Variants in TCP1 observed in about 807,000 individuals in gnomAD.
TCP1 encodes t-complex 1, also known as T-complex protein 1 subunit alpha.
In TCP1, 6 loss-of-function variants were observed where a neutral mutation model predicts 54.7. That is an observed-to-expected ratio of 0.11 (90% CI 0.06 to 0.22). The LOEUF (loss-of-function observed/expected upper bound fraction) is 0.22. Ranked by LOEUF, TCP1 falls within the 10% of genes least tolerant of loss-of-function variation. TCP1 has a pLI of 1.00. For missense variants in TCP1, 511 were observed against 678.2 expected (o/e 0.75, Z 2.74); for synonymous variants, 225 against 229.7 (o/e 0.98, Z 0.19).
intron 2 of TCP1, 49 bp downstream of exon 2, chr6:159,788,009 A>C (rs1454588943): frequency 6.2e-7 from 1 of 1,606,958 alleles, no homozygotes; most frequent in Admixed American, 1.7e-5. Context: ...CAAAACACTG[A>C]AGATAGTTTT....
At position 159,778,925 on chromosome 6, in the gene TCP1, C is replaced by G; in HGVS notation, c.*120G>C. 4 of 1,568,910 alleles carry G rather than the reference C, an allele frequency of 2.5e-6. No individual in the cohort carries two copies. In the South Asian group the frequency reaches 4.7e-5, roughly 18 times the overall value. On this transcript the variant is annotated 3_prime_UTR_variant, in exon 12 of 12. Transcript: ENST00000321394. ...CAGAGGACCAAAGTACAGATGGAAA[C>G]CATTTCCTACATCACAAAAACCCAA...
chr6:159,784,577 T>C, intron 6 of TCP1, 89 bp downstream of exon 6: 5 of 1,400,436 alleles, frequency 3.6e-6, no homozygotes, highest in Non-Finnish European at 4.9e-6. Context: ...GTGCTGGGAT[T>C]ACAGGCATGA....
intron 9 of TCP1, 68 bp downstream of exon 9, chr6:159,780,375 T>C: frequency 1.2e-6 from 2 of 1,609,448 alleles, no homozygotes; most frequent in Non-Finnish European, 1.7e-6. Context: ...AGCAAATAAA[T>C]GGGAAGAAAA....
chr6:159,783,380 T>TTA (rs9295110), intron 7 of TCP1, among the ~76,000 whole-genome samples: 3 of 7,748 alleles, frequency 3.9e-4, no homozygotes, highest in Non-Finnish European at 1.0e-3. Flanking sequence ...GTTTAAACTA[T>TTA]TTTTTTTTTT....
intron 1 of TCP1, chr6:159,788,436 C>T: frequency 3.0e-6 from 1 of 329,606 alleles, no homozygotes. Flanking sequence ...AAAATAAAAA[C>T]AAAGCCGGAT....
intron 7 of TCP1, among the ~76,000 whole-genome samples, chr6:159,782,660 T>G (rs889530528): frequency 6.6e-6 from 1 of 152,170 alleles, no homozygotes; most frequent in East Asian, 1.9e-4. Flanking sequence ...TTATCACAAG[T>G]TCAGTTTTAG....
intron 4 of TCP1, 66 bp downstream of exon 4, chr6:159,785,834 C>T (rs1323679568): frequency 5.0e-5 from 62 of 1,245,866 alleles, no homozygotes; most frequent in African/African-American, 4.0e-4. Flanking sequence ...TTAATCAAAA[C>T]GTTAAGACAA....
At chr6:159,784,989 C>A (rs1306347718) in intron 5 of TCP1, 142 bp from the exon 6 acceptor site, 3 of 777,288 alleles carry the variant, frequency 3.9e-6, no homozygotes, top group African/African-American at 3.5e-5. Context: ...CAAAATGTTA[C>A]AACATTATCA....
chr6:159,779,336 C>T, intron 11 of TCP1, 75 bp from the exon 12 acceptor site: 6 of 1,336,354 alleles, frequency 4.5e-6, no homozygotes, highest in Non-Finnish European at 5.3e-6. Context: ...GCATTTCATT[C>T]AAGTATTAAG....
At chr6:159,780,592 G>C (rs756435265) in intron 8 of TCP1, 26 bp from the exon 9 acceptor site, 5 of 1,602,590 alleles carry the variant, frequency 3.1e-6, no homozygotes, top group Non-Finnish European at 4.3e-6. Flanking sequence ...CAAAGGATCT[G>C]TGAATATTGC....
chr6:159,788,028 G>A (rs776257250), intron 2 of TCP1, 30 bp downstream of exon 2: 2 of 1,609,926 alleles, frequency 1.2e-6, no homozygotes, highest in South Asian at 1.1e-5. Flanking sequence ...TTACTTTAAG[G>A]AAACTAACAC....
intron 5 of TCP1, chr6:159,785,115 T>C: frequency 1.7e-6 from 1 of 601,066 alleles, no homozygotes; most frequent in Non-Finnish European, 2.9e-6. Flanking sequence ...TTGATATCAA[T>C]TTGCATAAAA....
At position 159,789,490 on chromosome 6, in the gene TCP1, C is replaced by T. The variant is rs1303912294; in HGVS notation, c.-22G>A. On this transcript the variant is annotated 5_prime_UTR_variant, in exon 1 of 12. Coordinates refer to ENST00000321394, the MANE Select transcript of TCP1 (RefSeq NM_030752.3). Reference sequence around the variant, plus strand: ...CCATCTTGACGGCAGCGATACACGTCGAATTCTGCTTACACCGCGGGCAAC... The same window carrying T: ...CCATCTTGACGGCAGCGATACACGTTGAATTCTGCTTACACCGCGGGCAAC... 6.2e-7 allele frequency: 1 copy of T among 1,613,734 alleles called. No individual in the cohort carries two copies. Among genetic ancestry groups the T allele is most frequent in the Admixed American group, 1.7e-5 (1 of 60,030 alleles).
rs1583137320 is a variant in TCP1 at position 159,780,028 on chromosome 6, T to C, written c.1157A>G (p.Asp386Gly). Residue 386 changes from aspartate to glycine, a missense_variant, in exon 10 of 12, where the codon GAT (aspartate) becomes GGT (glycine). By Grantham distance (94) the Asp-to-Gly change is moderately conservative. Around this residue, in one of 5 missense-constraint regions of TCP1, gnomAD observed 305 missense variants for 352.8 expected, o/e 0.86. Coordinates refer to ENST00000321394, the MANE Select transcript of TCP1 (RefSeq NM_030752.3). ...ILRGANDFMC[D>G]EMERSLHDAL... The stretch of plus-strand genomic sequence containing the variant: ...ATCATGTAAAGAGCGCTCCATCTCA[T>C]CACACATGAAATCATTTGCCCCACG... 1.2e-6 allele frequency: 2 copies of C among 1,614,148 alleles called. No individual in the cohort carries two copies. Among genetic ancestry groups the C allele is most frequent in the East Asian group, 4.5e-5 (2 of 44,888 alleles).
At chr6:159,782,964 G>A (rs1050598059) in intron 7 of TCP1, among the ~76,000 whole-genome samples, 2 of 152,230 alleles carry the variant, frequency 1.3e-5, no homozygotes, top group African/African-American at 2.4e-5. Flanking sequence ...TTAACATGCA[G>A]TCCCTCAAAT....
intron 11 of TCP1, 94 bp from the exon 12 acceptor site, chr6:159,779,355 T>TTAAATCAGACTAGAGA (rs879337623): frequency 1.8e-5 from 22 of 1,212,446 alleles, no homozygotes; most frequent in African/African-American, 4.6e-5. Context: ...AGGTTGATTT[T>TTAAATCAGACTAGAGA]TAAATCAGAC....
rs1415833378 is a variant in TCP1 at position 159,789,474 on chromosome 6, C to A, written c.-6G>T. On this transcript the variant is annotated 5_prime_UTR_variant, in exon 1 of 12. Transcript: ENST00000321394. ...ACGGACAAAGGCCCCTCCATCTTGA[C>A]GGCAGCGATACACGTCGAATTCTGC... 1 of 1,613,850 alleles carries A rather than the reference C, an allele frequency of 6.2e-7. No homozygotes were observed. The highest frequency in any genetic ancestry group is 1.7e-5 in the Admixed American group (1 of 60,018).
intron 9 of TCP1, 91 bp downstream of exon 9, chr6:159,780,351 GT>G: frequency 6.4e-7 from 1 of 1,571,020 alleles, no homozygotes; most frequent in Admixed American, 1.7e-5. Context: ...TCGTATCACT[GT>G]GAGACTACAA....
At position 159,789,524 on chromosome 6, in the gene TCP1, C is replaced by G; in HGVS notation, c.-56G>C. On this transcript the variant is annotated 5_prime_UTR_variant, in exon 1 of 12. Transcript: ENST00000321394. Reference sequence around the variant, plus strand: ...CTTACACCGCGGGCAACCAGTATCGCGGCCCCTCGGCCGACCGGCGACCAC... The same window carrying G: ...CTTACACCGCGGGCAACCAGTATCGGGGCCCCTCGGCCGACCGGCGACCAC... 6.2e-7 allele frequency: 1 copy of G among 1,603,842 alleles called. No individual in the cohort carries two copies. Among genetic ancestry groups the G allele is most frequent in the South Asian group, 1.1e-5 (1 of 90,268 alleles).
Sources: gnomAD v4.1 joint callset for allele counts (sites outside exome capture counted in the v4.1 genomes callset) on GRCh38, gnomAD v4.1.1 for gene constraint, gnomAD v4.1.1 regional missense constraint, MANE v1.5 for transcripts, NCBI Gene and HGNC (gene_info 2026-07-23, HGNC 2026-07-21) for gene names.